Variants in NPHS1 observed in about 807,000 individuals in gnomAD.
NPHS1 encodes the protein nephrin.
Under a neutral mutation model 139.7 loss-of-function variants are expected in NPHS1, and 107 were observed. The observed-to-expected ratio is 0.77, with a 90% CI of 0.66 to 0.90. The LOEUF is 0.90. Ranked by LOEUF, NPHS1 falls within the 40% of genes least tolerant of loss-of-function variation. The pLI is 0.00. For missense variants in NPHS1, 1,580 were observed against 1,654.2 expected (o/e 0.96, Z 0.78); for synonymous variants, 707 against 706.6 (o/e 1.00, Z -0.01).
rs771293784 is a variant in NPHS1 at position 35,844,159 on chromosome 19, A to T, written c.2156T>A (p.Leu719Gln). Residue 719 changes from leucine to glutamine, a missense_variant, in exon 16 of 29, where the codon CTG becomes CAG. Transcript: ENST00000378910. The part of the protein sequence containing the change: ...VTRADDGLYQ[L>Q]HCQNSEGTAE... The stretch of plus-strand genomic sequence containing the variant: ...GGTGCCCTCAGAGTTCTGGCAGTGC[A>T]GCTGATAGAGGCCGTCGTCCGCGCG... 2 of 1,610,562 alleles carry T rather than the reference A, an allele frequency of 1.2e-6. No homozygotes were observed. The highest frequency in any genetic ancestry group is 1.7e-5 in the Admixed American group (1 of 60,028).
At position 35,845,945 on chromosome 19, in the gene NPHS1, C is replaced by T. The variant is rs1232682946; in HGVS notation, c.1627+63G>A. Reference sequence around the variant, plus strand: ...CCCCGGGTCCAGGGTTCGCTGGGTCCCTGCCCCACCTGGCTCTGTCCCTCC... The same window carrying T: ...CCCCGGGTCCAGGGTTCGCTGGGTCTCTGCCCCACCTGGCTCTGTCCCTCC... On this transcript the variant is annotated intron_variant, in intron 12 of 28. Coordinates refer to ENST00000378910, the MANE Select transcript of NPHS1 (RefSeq NM_004646.4). The surrounding 1 kb of genome is among the most constrained non-coding windows in gnomAD (Gnocchi z 5.5). 4.6e-6 allele frequency: 7 copies of T among 1,533,948 alleles called. No individual in the cohort carries two copies. Among genetic ancestry groups the T allele is most frequent in the Non-Finnish European group, 6.2e-6 (7 of 1,136,798 alleles).
rs978880942 is a variant in NPHS1 at position 35,831,779 on chromosome 19, C to T, written c.3167-17G>A. 3.2e-6 allele frequency: 5 copies of T among 1,555,832 alleles called. No homozygotes were observed. The highest frequency in any genetic ancestry group is 3.5e-6 in the Non-Finnish European group (4 of 1,151,270). The stretch of plus-strand genomic sequence containing the variant: ...CCGAGGGTCCTAGGGGTGGAAGATA[C>T]CCCTCAGTGAATCCCAGACAACAGG... On this transcript the variant is annotated splice_polypyrimidine_tract_variant and intron_variant, in intron 23 of 28. Coordinates refer to ENST00000378910, the MANE Select transcript of NPHS1 (RefSeq NM_004646.4).
In NPHS1 at chr19:35,828,411, C is replaced by T. The variant is rs188834203; in HGVS notation, c.3595-1766G>A. Among the ~76,000 whole-genome samples the T allele has an allele frequency of 1.5e-3, 228 of 152,132 alleles. 2 individuals carry two copies. Among genetic ancestry groups the T allele is most frequent in the Middle Eastern group, 0.014 (4 of 294 alleles). Reference sequence around the variant, plus strand: ...TCCCGAGTAGGTGGGACTACAGGCGCCAGCCACCACACCCGGCTAACTTTT... The same window carrying T: ...TCCCGAGTAGGTGGGACTACAGGCGTCAGCCACCACACCCGGCTAACTTTT... On this transcript the variant is annotated intron_variant, in intron 28 of 28. Transcript: ENST00000378910.
chr19:35,831,479 G>A lies in NPHS1; in HGVS notation c.3308C>T (p.Ala1103Val). 6.8e-6 allele frequency: 11 copies of A among 1,613,370 alleles called. No homozygotes were observed. Among genetic ancestry groups the A allele is most frequent in the Non-Finnish European group, 9.3e-6 (11 of 1,179,872 alleles). Reference sequence around the variant, plus strand: ...ACAGAAAAATATCCCCACTTACCCTGCCTCTGTCTTCTCTGAGATGCCTGA... The same window carrying A: ...ACAGAAAAATATCCCCACTTACCCTACCTCTGTCTTCTCTGAGATGCCTGA... ...LAEGISEKTE[A>V]GSEEDRVRNE... Residue 1103 changes from alanine to valine, a missense_variant, in exon 25 of 29, where the codon GCA (alanine) becomes GTA (valine). By Grantham distance (64) the Ala-to-Val change is moderately conservative. Transcript: ENST00000378910.
chr19:35,848,497 ATC>A, intron 9 of NPHS1, 100 bp from the exon 10 acceptor site: 1 of 1,591,674 alleles, frequency 6.3e-7, no homozygotes. Flanking sequence ...CACAGGAGAC[ATC>A]TCTACCTCCC....
intron 20 of NPHS1, among the ~76,000 whole-genome samples, chr19:35,840,829 C>T (rs940465848): frequency 2.0e-5 from 3 of 149,694 alleles, no homozygotes; most frequent in Non-Finnish European, 4.4e-5. Flanking sequence ...ACTGGGATTA[C>T]AAGCGCATGC....
chr19:35,831,196 A>T lies in NPHS1; in HGVS notation c.3388-50T>A. On this transcript the variant is annotated intron_variant, in intron 26 of 28. Coordinates refer to ENST00000378910, the MANE Select transcript of NPHS1 (RefSeq NM_004646.4). ...AAAGCCCTTTCCATCCTCTGACCCCACTGTGCCCGGAAGGGCAATGATCAA... is the reference window on the plus strand; with the variant it reads ...AAAGCCCTTTCCATCCTCTGACCCCTCTGTGCCCGGAAGGGCAATGATCAA... 3 of 1,609,080 alleles carry T rather than the reference A, an allele frequency of 1.9e-6. No homozygotes were observed. The South Asian group carries it at 3.3e-5, about 18-fold the overall frequency.
intron 17 of NPHS1, among the ~76,000 whole-genome samples, chr19:35,842,957 G>T (rs1973082892): frequency 6.6e-6 from 1 of 151,710 alleles, no homozygotes; most frequent in Non-Finnish European, 1.5e-5. Context: ...ATTCACTCAC[G>T]CTTGCACACC....
chr19:35,831,466 C>A lies in NPHS1; in HGVS notation c.3311+10G>T, dbSNP rs751186794. 2 of 1,613,728 alleles carry A rather than the reference C, an allele frequency of 1.2e-6. No individual in the cohort carries two copies. Among genetic ancestry groups the A allele is most frequent in the South Asian group, 2.2e-5 (2 of 91,078 alleles). On this transcript the variant is annotated intron_variant, in intron 25 of 28. Transcript: ENST00000378910. ...CAGAGCCTTCTTTACAGAAAAATAT[C>A]CCCACTTACCCTGCCTCTGTCTTCT...
rs2146822182 is a variant in NPHS1, at chr19:35,844,331, G to T, written c.2059C>A (p.Arg687Ser). ...EAFNWTFRGY[R>S]LSPAGGPRHR... ...CCACTTCCCTCACCTGGACTGAGGC[G>T]ATAGCCGCGGAAGGTCCAGTTGAAG... is the stretch of plus-strand genomic sequence containing the variant. The change falls in exon 15 of 29, where the codon CGC (arginine) becomes AGC (serine). Residue 687 changes from arginine (R) to serine (S), a missense_variant. Coordinates refer to ENST00000378910, the MANE Select transcript of NPHS1 (RefSeq NM_004646.4). 6.2e-7 allele frequency: 1 copy of T among 1,613,866 alleles called. No homozygotes were observed. Among genetic ancestry groups the T allele is most frequent in the Non-Finnish European group, 8.5e-7 (1 of 1,179,930 alleles).
rs375108899 is a variant in NPHS1 at position 35,842,254 on chromosome 19, G to A, written c.2533C>T (p.Pro845Ser). ...RFAPQVEHPTPLTKVAAAGDS... is the reference protein window; with the variant it reads ...RFAPQVEHPTSLTKVAAAGDS... ...CCAGCTGCAGCCACCTTAGTTAGGG[G>A]AGTGGGGTGCTCCACCTGGGGGGCA... The change falls in exon 19 of 29, where the codon CCC becomes TCC. Residue 845 changes from proline (P) to serine (S), a missense_variant. Coordinates refer to ENST00000378910, the MANE Select transcript of NPHS1 (RefSeq NM_004646.4). 1.2e-6 allele frequency: 2 copies of A among 1,613,310 alleles called. No individual in the cohort carries two copies. Among genetic ancestry groups the A allele is most frequent in the Non-Finnish European group, 1.7e-6 (2 of 1,179,986 alleles).
Position 35,845,536 on chromosome 19 carries a change from C to T in NPHS1, c.1762G>A (p.Glu588Lys), listed in dbSNP as rs761318468. 6.2e-7 allele frequency: 1 copy of T among 1,610,612 alleles called. No homozygotes were observed. The highest frequency in any genetic ancestry group is 8.5e-7 in the Non-Finnish European group (1 of 1,178,746). ...CTCCGGGGTGGGGCGGCCACGCCCT[C>T]CAGCCTGTGGAACCGGGGTCAAGCC... ...LSWDKEGERL[E>K]GVAAPPRRAP... The change falls in exon 14 of 29, where the codon GAG (glutamate) becomes AAG (lysine). Residue 588 changes from glutamate to lysine, a missense_variant. Coordinates refer to ENST00000378910, the MANE Select transcript of NPHS1 (RefSeq NM_004646.4). The surrounding 1 kb of genome is among the most constrained non-coding windows in gnomAD (Gnocchi z 5.5).
At chr19:35,831,405 G>T (rs1427325069) in intron 25 of NPHS1, 34 bp from the exon 26 acceptor site, 3 of 1,610,004 alleles carry the variant, frequency 1.9e-6, no homozygotes, top group African/African-American at 2.7e-5. Context: ...GAAGTTGAGT[G>T]CTGCCCCCCG....
intron 25 of NPHS1, 39 bp from the exon 26 acceptor site, chr19:35,831,410 C>A: frequency 6.8e-6 from 11 of 1,612,814 alleles, no homozygotes; most frequent in Non-Finnish European, 9.3e-6. Context: ...TGAGTGCTGC[C>A]CCCCGCCACC....
At chr19:35,831,861 C>CA in intron 23 of NPHS1, 99 bp from the exon 24 acceptor site, 1 of 1,312,266 alleles carries the variant, frequency 7.6e-7, no homozygotes, top group Non-Finnish European at 1.1e-6. Flanking sequence ...AGTCCCTCCC[C>CA]CAGGGTCAGA....
At chr19:35,831,219 C>T in intron 26 of NPHS1, 73 bp from the exon 27 acceptor site, 2 of 1,605,750 alleles carry the variant, frequency 1.2e-6, no homozygotes, top group Non-Finnish European at 1.7e-6. Context: ...GGGCAATGAT[C>T]AACCTGATGC....
At chr19:35,834,269 C>T (rs936658717) in intron 23 of NPHS1, among the ~76,000 whole-genome samples, 27 of 152,174 alleles carry the variant, frequency 1.8e-4, no homozygotes, top group Middle Eastern at 6.8e-3. Context: ...AGAAGAGACA[C>T]GCGCCCAGTT....
At position 35,839,535 on chromosome 19, in the gene NPHS1, G is replaced by A. The variant is rs1307545810; in HGVS notation, c.2888C>T (p.Pro963Leu). 1.2e-6 allele frequency: 2 copies of A among 1,614,168 alleles called. No homozygotes were observed. The highest frequency in any genetic ancestry group is 4.5e-5 in the East Asian group (2 of 44,880). ...TPHSVGLEWKPGFDGGLPQRF... is the reference protein window; with the variant it reads ...TPHSVGLEWKLGFDGGLPQRF... ...CTGTGGCAGGCCCCCATCAAAGCCAGGCTTCCACTCCAGCCCCACGGAGTG... is the reference window on the plus strand; with the variant it reads ...CTGTGGCAGGCCCCCATCAAAGCCAAGCTTCCACTCCAGCCCCACGGAGTG... Residue 963 changes from proline (P) to leucine (L), a missense_variant, in exon 21 of 29, where the codon CCT becomes CTT. Physicochemically the swap from Pro to Leu is moderately conservative, Grantham distance 98. Coordinates refer to ENST00000378910, the MANE Select transcript of NPHS1 (RefSeq NM_004646.4).
intron 28 of NPHS1, among the ~76,000 whole-genome samples, chr19:35,828,268 C>A (rs902931204): frequency 1.3e-4 from 20 of 151,872 alleles, no homozygotes; most frequent in African/African-American, 3.6e-4. Flanking sequence ...TTTTCTTTTT[C>A]TTTTTCTTTT....
Sources: gnomAD v4.1 joint callset for allele counts (sites outside exome capture counted in the v4.1 genomes callset) on GRCh38, gnomAD v4.1.1 for gene constraint, Gnocchi (gnomAD v3.1) non-coding constraint, MANE v1.5 for transcripts, NCBI Gene and HGNC (gene_info 2026-07-23, HGNC 2026-07-21) for gene names.